PTPRZ1: variants seen among roughly 807,000 people sequenced by gnomAD.
PTPRZ1 encodes protein tyrosine phosphatase receptor type Z1.
PTPRZ1 carries 82 observed loss-of-function variants against 214.1 expected under a neutral mutation model. That is an observed-to-expected ratio of 0.38 (90% CI 0.32 to 0.46). PTPRZ1 has a LOEUF of 0.46. Among genes scored for constraint, PTPRZ1 ranks in the 20% least tolerant of loss-of-function variants. The pLI is 1.00. For missense variants in PTPRZ1, 2,603 were observed against 2,748.7 expected (o/e 0.95, Z 1.19); for synonymous variants, 945 against 987.9 (o/e 0.96, Z 0.81).
intron 1 of PTPRZ1, among the ~76,000 whole-genome samples, chr7:121,925,590 G>A (rs1469006782): frequency 2.0e-5 from 3 of 152,266 alleles, no homozygotes; most frequent in Non-Finnish European, 4.4e-5. Flanking sequence ...AGAGAAGCTG[G>A]ATCCGAGTCT....
At chr7:122,009,687 T>G (rs1798590946) in intron 11 of PTPRZ1, among the ~76,000 whole-genome samples, 1 of 151,974 alleles carries the variant, frequency 6.6e-6, no homozygotes, top group African/African-American at 2.4e-5. Flanking sequence ...TCCTGAATGG[T>G]GATTCTAAGG....
chr7:122,039,351 G>A (rs961193728), intron 19 of PTPRZ1, 103 bp from the exon 20 acceptor site: 8 of 1,217,840 alleles, frequency 6.6e-6, no homozygotes, highest in Non-Finnish European at 9.2e-6. Context: ...AAGAGTGAAG[G>A]AGTCCATTCC....
chr7:121,884,192 C>T (rs958428276), intron 1 of PTPRZ1, among the ~76,000 whole-genome samples: 1 of 151,988 alleles, frequency 6.6e-6, no homozygotes, highest in Admixed American at 6.6e-5. Flanking sequence ...TATTTGGTTA[C>T]TGTAAAGTTT....
chr7:122,044,358 T>C, intron 22 of PTPRZ1, 64 bp from the exon 23 acceptor site: 1 of 1,580,142 alleles, frequency 6.3e-7, no homozygotes, highest in Non-Finnish European at 8.7e-7. Flanking sequence ...AGGTACTATG[T>C]TTGTAGGTAG....
intron 23 of PTPRZ1, among the ~76,000 whole-genome samples, chr7:122,048,488 A>T (rs1466643324): frequency 6.6e-6 from 1 of 152,200 alleles, no homozygotes; most frequent in South Asian, 2.1e-4. Flanking sequence ...AACTAAAAGC[A>T]TATCATTGGA....
chr7:121,947,487 A>G (rs552983653), intron 2 of PTPRZ1, among the ~76,000 whole-genome samples: 38 of 152,332 alleles, frequency 2.5e-4, no homozygotes, highest in Non-Finnish European at 3.8e-4. Context: ...AAATTAGATT[A>G]TACTAGTTTC....
intron 1 of PTPRZ1, among the ~76,000 whole-genome samples, chr7:121,922,721 A>G (rs1163136386): frequency 6.6e-6 from 1 of 152,170 alleles, no homozygotes; most frequent in Admixed American, 6.5e-5. Flanking sequence ...AGTCTTAAGC[A>G]TGTCTTGCTT....
intron 13 of PTPRZ1, among the ~76,000 whole-genome samples, chr7:122,020,731 C>T (rs1798989509): frequency 6.6e-6 from 1 of 152,010 alleles, no homozygotes; most frequent in Admixed American, 6.6e-5. Flanking sequence ...CTTTTGTTAC[C>T]CCACATGGGT....
At chr7:121,959,900 G>C (rs1796824083) in intron 2 of PTPRZ1, among the ~76,000 whole-genome samples, 1 of 152,216 alleles carries the variant, frequency 6.6e-6, no homozygotes, top group Admixed American at 6.5e-5. Context: ...AATTTATAAA[G>C]CTATGACTTA....
chr7:121,955,226 G>A (rs1403507543), intron 2 of PTPRZ1, among the ~76,000 whole-genome samples: 1 of 152,174 alleles, frequency 6.6e-6, no homozygotes, highest in Non-Finnish European at 1.5e-5. Flanking sequence ...CAGCCCTGAT[G>A]GTAGTGTCAC....
chr7:121,948,599 A>C (rs1011423976), intron 2 of PTPRZ1, among the ~76,000 whole-genome samples: 2 of 152,152 alleles, frequency 1.3e-5, no homozygotes, highest in African/African-American at 4.8e-5. Flanking sequence ...TAGAGGATGA[A>C]TGTTTCAGGC....
intron 8 of PTPRZ1, among the ~76,000 whole-genome samples, chr7:121,988,945 G>C (rs967045950): frequency 6.6e-6 from 1 of 152,112 alleles, no homozygotes; most frequent in East Asian, 1.9e-4. Context: ...ATCATTCCAG[G>C]AAAAGAAAGA....
At chr7:121,964,231 A>G (rs980845067) in intron 2 of PTPRZ1, among the ~76,000 whole-genome samples, 3 of 152,226 alleles carry the variant, frequency 2.0e-5, no homozygotes, top group Admixed American at 6.5e-5. Context: ...TCATGCTGCT[A>G]TAAGGACATA....
chr7:121,889,887 T>A (rs749360472), intron 1 of PTPRZ1, among the ~76,000 whole-genome samples: 1 of 152,210 alleles, frequency 6.6e-6, no homozygotes, highest in South Asian at 2.1e-4. Context: ...ATTCTGGAGA[T>A]GCTTTGTTCA....
At chr7:122,018,779 A>C (rs1346056142) in intron 12 of PTPRZ1, among the ~76,000 whole-genome samples, 1 of 152,026 alleles carries the variant, frequency 6.6e-6, no homozygotes. Context: ...GTTTTTCCTG[A>C]CCATTCTATT....
At chr7:122,014,823 T>G (rs1798799624) in intron 12 of PTPRZ1, among the ~76,000 whole-genome samples, 1 of 152,202 alleles carries the variant, frequency 6.6e-6, no homozygotes, top group African/African-American at 2.4e-5. Context: ...AAATTTTAAT[T>G]TTTTTGTCTT....
rs769435329 is a variant in PTPRZ1 at position 122,058,961 on chromosome 7, A to G, written c.6671+19A>G. ...ATGATGAGTAAGTTCCATGTGTTAG[A>G]TGGTTTCACACCTGCACATTTTCTG... On this transcript the variant is annotated intron_variant, in intron 28 of 29. Coordinates refer to ENST00000393386, the MANE Select transcript of PTPRZ1 (RefSeq NM_002851.3). The G allele has an allele frequency of 1.3e-6, 2 of 1,559,260 alleles. No homozygotes were observed. The highest frequency in any genetic ancestry group is 1.1e-5 in the South Asian group (1 of 88,572).
Position 122,051,464 on chromosome 7 carries a change from T to G in PTPRZ1, c.6121T>G (p.Ser2041Ala). 1.2e-6 allele frequency: 2 copies of G among 1,613,818 alleles called. No individual in the cohort carries two copies. The highest frequency in any genetic ancestry group is 1.7e-6 in the Non-Finnish European group (2 of 1,179,780). ...GTCAAATATACAGCAGAGTGACTATTCTGCAGCCCTAAAGCAATGCAACAG... is the reference window on the plus strand; with the variant it reads ...GTCAAATATACAGCAGAGTGACTATGCTGCAGCCCTAAAGCAATGCAACAG... ...SQSNIQQSDY[S>A]AALKQCNREK... Residue 2041 changes from serine to alanine, a missense_variant, in exon 24 of 30, where the codon TCT (serine) becomes GCT (alanine). Physicochemically the swap from Ser to Ala is moderately conservative, Grantham distance 99. Transcript: ENST00000393386.
At chr7:121,911,787 C>CAT (rs1410674407) in intron 1 of PTPRZ1, among the ~76,000 whole-genome samples, 1 of 151,816 alleles carries the variant, frequency 6.6e-6, no homozygotes, top group Non-Finnish European at 1.5e-5. Flanking sequence ...ATTTTATACA[C>CAT]ATATATATGA....
Sources: allele counts gnomAD v4.1 joint callset (sites outside exome capture counted in the v4.1 genomes callset), GRCh38; gene constraint gnomAD v4.1.1; transcripts MANE v1.5; gene names NCBI Gene and HGNC (gene_info 2026-07-23, HGNC 2026-07-21).